Variants in TMEM268 observed in about 807,000 individuals in gnomAD.
TMEM268 encodes transmembrane protein C9orf91.
A neutral mutation model predicts 39.1 loss-of-function variants in TMEM268; 24 were observed. The observed-to-expected ratio is 0.61, with a 90% confidence interval of 0.44 to 0.86. The LOEUF (loss-of-function observed/expected upper bound fraction) is 0.86, where lower values mean the gene tolerates loss of function less well. Among genes scored for constraint, TMEM268 ranks in the 40% least tolerant of loss-of-function variants. The pLI is 0.00. For missense variants in TMEM268, 409 were observed against 428.6 expected (o/e 0.95, Z 0.40); for synonymous variants, 176 against 173.5 (o/e 1.01, Z -0.12).
chr9:114,633,171 T>A (rs7469678), intron 5 of TMEM268, among the ~76,000 whole-genome samples: 8,174 of 151,760 alleles, frequency 0.054, 293 homozygotes, highest in Non-Finnish European at 0.073. Flanking sequence ...AATTTTTTTT[T>A]TTTTTTTTGA....
intron 8 of TMEM268, among the ~76,000 whole-genome samples, chr9:114,639,790 C>T (rs1023068896): frequency 2.0e-5 from 3 of 149,744 alleles, no homozygotes; most frequent in Non-Finnish European, 3.0e-5. Flanking sequence ...GAGGCTGAGG[C>T]GCGAGGATCA....
At chr9:114,614,076 C>G (rs1278111612) in intron 1 of TMEM268, among the ~76,000 whole-genome samples, 1 of 152,206 alleles carries the variant, frequency 6.6e-6, no homozygotes, top group East Asian at 1.9e-4. Context: ...GTAGACCTCT[C>G]TATCCCCATT....
intron 2 of TMEM268, chr9:114,624,012 C>T: frequency 4.5e-6 from 1 of 222,634 alleles, no homozygotes; most frequent in Non-Finnish European, 9.1e-6. Context: ...TTTTCAGTCT[C>T]TGTTTAAATA....
rs1199172631 is a variant in TMEM268, at chr9:114,645,093, C to T, written c.*1780C>T. Reference sequence around the variant, plus strand: ...GATTACAGACGTGAGGCACCACAACCAGCCTGGATGATTCTTAAGGGCCCT... The same window carrying T: ...GATTACAGACGTGAGGCACCACAACTAGCCTGGATGATTCTTAAGGGCCCT... On this transcript the variant is annotated 3_prime_UTR_variant, in exon 9 of 9. Coordinates refer to ENST00000288502, the MANE Select transcript of TMEM268 (RefSeq NM_153045.4). 6.6e-6 allele frequency: 1 copy of T among 152,476 alleles called. No individual in the cohort carries two copies. Among genetic ancestry groups the T allele is most frequent in the East Asian group, 1.9e-4 (1 of 5,338 alleles). 9.4% of individuals were successfully genotyped at this position (152,476 alleles called of 1,614,324 possible).
chr9:114,638,425 G>A (rs949313785), intron 7 of TMEM268, 119 bp from the exon 8 acceptor site: 64 of 656,798 alleles, frequency 9.7e-5, no homozygotes, highest in Non-Finnish European at 1.6e-4. Flanking sequence ...TTTTTCTGAG[G>A]TCATCATCTG....
At chr9:114,624,280 G>A in intron 2 of TMEM268, 70 bp from the exon 3 acceptor site, 3 of 1,542,990 alleles carry the variant, frequency 1.9e-6, no homozygotes, top group Non-Finnish European at 1.8e-6. Flanking sequence ...ATGCCGCCAG[G>A]CTTCGGGCTC....
At position 114,638,681 on chromosome 9, in the gene TMEM268, C is replaced by T; in HGVS notation, c.804C>T (p.Leu268=). The T allele has an allele frequency of 6.2e-7, 1 of 1,604,684 alleles. No individual in the cohort carries two copies. The highest frequency in any genetic ancestry group is 1.1e-5 in the South Asian group (1 of 89,368). Residue 268 remains leucine (L), a synonymous_variant, in exon 8 of 9, where the codon CTC becomes CTT. Coordinates refer to ENST00000288502, the MANE Select transcript of TMEM268 (RefSeq NM_153045.4). ...PGNSCPNERP[L]MQTELHQLVP... is the part of the protein sequence containing the mutation. ...ATTCTTGTCCTAACGAGAGGCCACT[C>T]ATGCAGACTGAGCTTCATCAGCTTG...
At chr9:114,623,520 A>C (rs1846030315) in intron 2 of TMEM268, among the ~76,000 whole-genome samples, 1 of 152,218 alleles carries the variant, frequency 6.6e-6, no homozygotes, top group South Asian at 2.1e-4. Flanking sequence ...CCTTGGTGGC[A>C]GGACTGTTTT....
At chr9:114,638,401 C>T (rs1175639934) in intron 7 of TMEM268, 143 bp from the exon 8 acceptor site, 13 of 565,800 alleles carry the variant, frequency 2.3e-5, no homozygotes, top group Non-Finnish European at 3.7e-5. Flanking sequence ...TGTAATATCC[C>T]GAATGCGACC....
chr9:114,626,722 C>T (rs577148052), intron 3 of TMEM268, among the ~76,000 whole-genome samples, 177 bp from the exon 4 acceptor site: 1 of 152,210 alleles, frequency 6.6e-6, no homozygotes, highest in East Asian at 1.9e-4. Flanking sequence ...GTCATGATGC[C>T]TGTTCTTCCC....
At chr9:114,633,601 A>C (rs751780) in intron 5 of TMEM268, among the ~76,000 whole-genome samples, 167 bp from the exon 6 acceptor site, 41,615 of 151,974 alleles carry the variant, frequency 0.27, 6,053 homozygotes, top group South Asian at 0.4. Flanking sequence ...AGTCACTGTG[A>C]CTGCCTCCAC....
At chr9:114,619,807 A>G (rs1845874129) in intron 2 of TMEM268, among the ~76,000 whole-genome samples, 1 of 152,184 alleles carries the variant, frequency 6.6e-6, no homozygotes, top group African/African-American at 2.4e-5. Flanking sequence ...AATGAAGCCC[A>G]AGCATAGTGC....
chr9:114,608,119 C>T (rs769925594), upstream of TMEM268, among the ~76,000 whole-genome samples: 8 of 152,190 alleles, frequency 5.3e-5, no homozygotes, highest in Non-Finnish European at 8.8e-5. Flanking sequence ...TTCTATTGTC[C>T]TTTCTCCATT....
intron 2 of TMEM268, among the ~76,000 whole-genome samples, chr9:114,618,314 C>A (rs1243265523): frequency 2.0e-5 from 3 of 152,182 alleles, no homozygotes; most frequent in African/African-American, 7.2e-5. Flanking sequence ...CACCTGCATT[C>A]CCTTCTGCCT....
chr9:114,632,363 G>A (rs1846439070), intron 5 of TMEM268, among the ~76,000 whole-genome samples: 1 of 152,128 alleles, frequency 6.6e-6, no homozygotes, highest in Non-Finnish European at 1.5e-5. Flanking sequence ...ACAACCAAAG[G>A]GTCCTCCTTG....
chr9:114,626,757 C>T (rs1846177977), intron 3 of TMEM268, 142 bp from the exon 4 acceptor site: 1 of 583,066 alleles, frequency 1.7e-6, no homozygotes. Flanking sequence ...CACCATGTGA[C>T]TTCCACCCAG....
At chr9:114,614,368 G>A (rs192644496) in intron 1 of TMEM268, among the ~76,000 whole-genome samples, 12 of 152,356 alleles carry the variant, frequency 7.9e-5, no homozygotes, top group Admixed American at 7.2e-4. Context: ...TGCAATCTGT[G>A]CAGTCACACA....
At chr9:114,631,492 C>A (rs1846397670) in intron 5 of TMEM268, among the ~76,000 whole-genome samples, 1 of 152,148 alleles carries the variant, frequency 6.6e-6, no homozygotes, top group African/African-American at 2.4e-5. Flanking sequence ...TTCAATTATT[C>A]TACATGGATT....
intron 1 of TMEM268, among the ~76,000 whole-genome samples, chr9:114,616,019 T>C (rs1300253720): frequency 1.5e-5 from 2 of 130,846 alleles, no homozygotes; most frequent in Non-Finnish European, 3.3e-5. Flanking sequence ...TTTCTTTTCT[T>C]TTTTTTTTTT....
Sources: allele counts gnomAD v4.1 joint callset (sites outside exome capture counted in the v4.1 genomes callset), GRCh38; gene constraint gnomAD v4.1.1; transcripts MANE v1.5; gene names NCBI Gene and HGNC (gene_info 2026-07-23, HGNC 2026-07-21).